ABLIM1: variants seen among roughly 807,000 people sequenced by gnomAD.
The protein encoded by ABLIM1 is actin-binding LIM protein 1.
A neutral mutation model predicts 107.0 loss-of-function variants in ABLIM1; 40 were observed. That is an observed-to-expected ratio of 0.37 (90% confidence interval 0.29 to 0.49). The LOEUF (loss-of-function observed/expected upper bound fraction) is 0.49, where lower values mean the gene tolerates loss of function less well. Among genes scored for constraint, ABLIM1 ranks in the 20% least tolerant of loss-of-function variants. The probability of loss-of-function intolerance (pLI) is 0.97; values close to 1 mark genes in which losing one functional copy is unlikely to be tolerated. For missense variants in ABLIM1, 857 were observed against 1,008.5 expected, an observed-to-expected ratio of 0.85 and a Z score of 2.04; for synonymous variants, 357 against 357.3, an observed-to-expected ratio of 1.00 and a Z score of 0.01.
At chr10:114,501,769 TC>T (rs2060460821) in intron 6 of ABLIM1, among the ~76,000 whole-genome samples, 1 of 152,172 alleles carries the variant, frequency 6.6e-6, no homozygotes, top group Non-Finnish European at 1.5e-5. Flanking sequence ...ACACACAGTC[TC>T]CCCCACTAAG....
intron 1 of ABLIM1, among the ~76,000 whole-genome samples, chr10:114,614,088 GGGA>G (rs1044214560): frequency 3.9e-5 from 6 of 152,084 alleles, no homozygotes; most frequent in African/African-American, 1.2e-4. Flanking sequence ...ACATGGGACT[GGGA>G]GGAGAAGGGA....
At chr10:114,525,240 A>T (rs1340954605) in intron 6 of ABLIM1, among the ~76,000 whole-genome samples, 1 of 152,250 alleles carries the variant, frequency 6.6e-6, no homozygotes, top group Non-Finnish European at 1.5e-5. Context: ...CCTGTTCTAC[A>T]GGAGCCAAAA....
At chr10:114,464,650 G>A (rs1321390133) in intron 12 of ABLIM1, among the ~76,000 whole-genome samples, 1 of 152,200 alleles carries the variant, frequency 6.6e-6, no homozygotes, top group African/African-American at 2.4e-5. Flanking sequence ...ATTTATCAGT[G>A]TAGAGAAAAT....
At chr10:114,465,585 G>A in intron 12 of ABLIM1, 113 bp downstream of exon 12, 2 of 1,366,652 alleles carry the variant, frequency 1.5e-6, no homozygotes, top group Non-Finnish European at 2.0e-6. Context: ...TGCTCTGGGA[G>A]AGGGATGGAA....
At chr10:114,762,355 T>C (rs2082767449) in intron 1 of ABLIM1, among the ~76,000 whole-genome samples, 2 of 152,288 alleles carry the variant, frequency 1.3e-5, no homozygotes, top group South Asian at 4.1e-4. Context: ...TATAAATATG[T>C]GTGTATTTGT....
intron 6 of ABLIM1, among the ~76,000 whole-genome samples, chr10:114,508,366 A>T (rs1023338756): frequency 3.9e-5 from 6 of 152,200 alleles, no homozygotes; most frequent in Admixed American, 3.9e-4. Context: ...GACCTTTAAG[A>T]TACATTCTAG....
rs1393434414 is a variant in ABLIM1, at chr10:114,468,167, GA to G, written c.1311+13del. On this transcript the variant is annotated intron_variant, in intron 11 of 22. Transcript: ENST00000533213. ...ATTCCACCCATTAAAATGATAAAAA[GA>G]AATGGTACTTACTTCTGCTGATGGA... The G allele has an allele frequency of 6.2e-7, 1 of 1,610,838 alleles. No individual in the cohort carries two copies. Among genetic ancestry groups the G allele is most frequent in the East Asian group, 2.2e-5 (1 of 44,860 alleles).
chr10:114,699,463 A>T (rs1438585167), intron 1 of ABLIM1, among the ~76,000 whole-genome samples: 1 of 152,132 alleles, frequency 6.6e-6, no homozygotes, highest in Admixed American at 6.5e-5. Flanking sequence ...AAAATATATA[A>T]ACCTTGACAA....
At chr10:114,553,306 C>A (rs186240220) in intron 4 of ABLIM1, among the ~76,000 whole-genome samples, 3 of 152,308 alleles carry the variant, frequency 2.0e-5, no homozygotes, top group Admixed American at 2.0e-4. Context: ...TTCAGAGCAA[C>A]TACCTAGCCA....
intron 6 of ABLIM1, among the ~76,000 whole-genome samples, chr10:114,534,512 G>A (rs1186725615): frequency 6.7e-6 from 1 of 150,192 alleles, no homozygotes; most frequent in East Asian, 2.0e-4. Context: ...GTGGGGGTGG[G>A]GGGTTCCTGG....
chr10:114,719,975 C>A (rs550777524), intron 1 of ABLIM1, among the ~76,000 whole-genome samples: 3 of 152,168 alleles, frequency 2.0e-5, no homozygotes, highest in Non-Finnish European at 4.4e-5. Context: ...AACCCATCAC[C>A]TAGGTATTAA....
chr10:114,501,490 A>G (rs1364164648), intron 6 of ABLIM1, among the ~76,000 whole-genome samples: 1 of 152,224 alleles, frequency 6.6e-6, no homozygotes, highest in Admixed American at 6.5e-5. Context: ...TCGAGCCTTC[A>G]TATTTCACAG....
chr10:114,658,580 A>T (rs2141213472), upstream of ABLIM1, among the ~76,000 whole-genome samples: 1 of 152,334 alleles, frequency 6.6e-6, no homozygotes, highest in Admixed American at 6.5e-5. Context: ...AGGGCTAGGG[A>T]TATATACACA....
At chr10:114,568,704 T>C (rs1459613249) in intron 4 of ABLIM1, among the ~76,000 whole-genome samples, 1 of 152,182 alleles carries the variant, frequency 6.6e-6, no homozygotes, top group Non-Finnish European at 1.5e-5. Context: ...AATAAAGATG[T>C]CCTGACCAAA....
chr10:114,509,247 G>A (rs2061533227), intron 6 of ABLIM1, among the ~76,000 whole-genome samples: 1 of 152,186 alleles, frequency 6.6e-6, no homozygotes, highest in Non-Finnish European at 1.5e-5. Context: ...GGAGAGTGCG[G>A]TGTGAGAAAG....
intron 1 of ABLIM1, among the ~76,000 whole-genome samples, chr10:114,729,840 C>G (rs1039254261): frequency 5.3e-5 from 8 of 152,064 alleles, no homozygotes; most frequent in African/African-American, 1.9e-4. Context: ...GAAAAAACAA[C>G]AGTTTTCTCA....
chr10:114,695,432 A>T lies in ABLIM1; in HGVS notation c.-213+72629T>A, dbSNP rs77707801. Among the ~76,000 whole-genome samples, 1,288 of 152,296 alleles carry T rather than the reference A, an allele frequency of 8.5e-3. 15 individuals are homozygous for T. Among genetic ancestry groups the T allele is most frequent in the African/African-American group, 0.028 (1,163 of 41,554 alleles). ...GAGAACTGAGGCTCAGAGAGGCTAC[A>T]TCATTTTCTCAAGACCAAATTAAAT... On this transcript the variant is annotated intron_variant, in intron 1 of 15. Transcript: ENST00000651092.
At chr10:114,690,714 C>T (rs552050901) in intron 1 of ABLIM1, 74 of 433,758 alleles carry the variant, frequency 1.7e-4, no homozygotes, top group Middle Eastern at 5.9e-4. Flanking sequence ...TGGAGTCTTG[C>T]TTTGTTGCCC....
intron 6 of ABLIM1, among the ~76,000 whole-genome samples, chr10:114,503,031 C>G (rs1031523739): frequency 6.6e-5 from 10 of 152,274 alleles, no homozygotes; most frequent in African/African-American, 2.4e-4. Flanking sequence ...TTCTTTCACT[C>G]AACACTTTGT....
Sources: gnomAD v4.1 joint callset for allele counts (sites outside exome capture counted in the v4.1 genomes callset) on GRCh38, gnomAD v4.1.1 for gene constraint, MANE v1.5 for transcripts, NCBI Gene and HGNC (gene_info 2026-07-23, HGNC 2026-07-21) for gene names.